PDE11A: variants seen among roughly 807,000 people sequenced by gnomAD.
PDE11A encodes phosphodiesterase 11A.
A neutral mutation model predicts 100.5 loss-of-function variants in PDE11A; 100 were observed. That is an observed-to-expected ratio of 1.00 (90% CI 0.85 to 1.18). The LOEUF is 1.18. Among genes scored for constraint, PDE11A ranks in the 50% most tolerant of loss-of-function variants. PDE11A has a pLI of 0.00. For missense variants in PDE11A, 1,141 were observed against 1,152.6 expected (o/e 0.99, Z 0.15); for synonymous variants, 381 against 420.8 (o/e 0.91, Z 1.16).
intron 2 of PDE11A, among the ~76,000 whole-genome samples, chr2:177,959,474 A>G (rs1456350421): frequency 2.6e-5 from 4 of 152,220 alleles, no homozygotes; most frequent in Non-Finnish European, 5.9e-5. Context: ...AGGAGGACCC[A>G]ATAGGAGGCT....
intron 19 of PDE11A, among the ~76,000 whole-genome samples, chr2:177,658,187 G>T (rs2080418746): frequency 6.6e-6 from 1 of 152,148 alleles, no homozygotes; most frequent in Non-Finnish European, 1.5e-5. Flanking sequence ...TCTCTTGAAG[G>T]TCACAAAATC....
At chr2:177,891,937 T>A (rs2084535593) in intron 4 of PDE11A, among the ~76,000 whole-genome samples, 1 of 152,224 alleles carries the variant, frequency 6.6e-6, no homozygotes, top group African/African-American at 2.4e-5. Flanking sequence ...TCTCACTGGT[T>A]AATACAGATA....
At chr2:177,925,153 A>G (rs2085109349) in intron 2 of PDE11A, among the ~76,000 whole-genome samples, 1 of 150,696 alleles carries the variant, frequency 6.6e-6, no homozygotes, top group East Asian at 1.9e-4. Flanking sequence ...GGTTGGTTCC[A>G]AGTCTTTGCT....
chr2:177,741,198 T>G (rs986417819), intron 10 of PDE11A, among the ~76,000 whole-genome samples: 4 of 152,204 alleles, frequency 2.6e-5, no homozygotes, highest in African/African-American at 9.7e-5. Flanking sequence ...AGCAAGGTAT[T>G]GGCAGGTTTG....
intron 2 of PDE11A, among the ~76,000 whole-genome samples, chr2:177,922,402 A>G (rs12693129): frequency 0.086 from 13,042 of 152,206 alleles, 522 homozygotes; most frequent in South Asian, 0.099. Context: ...AAACCTGCAC[A>G]TTGTGTACAG....
At position 177,947,731 on chromosome 2, in the gene PDE11A, C is replaced by T. The variant is rs548277384; in HGVS notation, c.1072-42544G>A. Among the ~76,000 whole-genome samples, 756 of 150,480 alleles carry T rather than the reference C, an allele frequency of 5.0e-3. 4 individuals are homozygous for T. Among genetic ancestry groups the T allele is most frequent in the Non-Finnish European group, 8.8e-3 (593 of 67,748 alleles). On this transcript the variant is annotated intron_variant, in intron 2 of 19. Transcript: ENST00000286063. ...TATTGTCCCATGACCCTGCCAAATC[C>T]CCCTCTGTGAGAAACACCCAAGAAT...
chr2:177,678,446 T>C (rs767175807), intron 16 of PDE11A, among the ~76,000 whole-genome samples: 20 of 152,212 alleles, frequency 1.3e-4, no homozygotes, highest in Admixed American at 1.2e-3. Flanking sequence ...ATTATTTTTA[T>C]CTTAACAGTA....
intron 4 of PDE11A, among the ~76,000 whole-genome samples, chr2:177,876,279 G>GATGAGGCACAAGCCTT (rs1231630039): frequency 6.6e-6 from 1 of 150,538 alleles, no homozygotes; most frequent in Non-Finnish European, 1.5e-5. Flanking sequence ...AAGAGACCCA[G>GATGAGGCACAAGCCTT]GTAGGGACAG....
intron 2 of PDE11A, among the ~76,000 whole-genome samples, chr2:177,912,728 G>A (rs965062904): frequency 2.6e-5 from 4 of 151,950 alleles, no homozygotes; most frequent in Non-Finnish European, 4.4e-5. Flanking sequence ...CCACTCAAGG[G>A]TAACCATTAT....
chr2:177,961,541 A>G (rs1473816566), intron 2 of PDE11A, among the ~76,000 whole-genome samples: 1 of 152,162 alleles, frequency 6.6e-6, no homozygotes, highest in Non-Finnish European at 1.5e-5. Context: ...ACTTTCTTGA[A>G]ACCAATTCCC....
chr2:178,054,090 G>C (rs145454156), intron 1 of PDE11A, among the ~76,000 whole-genome samples: 1 of 150,148 alleles, frequency 6.7e-6, no homozygotes, highest in South Asian at 2.1e-4. Flanking sequence ...TGGAGGCGTC[G>C]CGCTACTGTA....
intron 1 of PDE11A, among the ~76,000 whole-genome samples, chr2:178,031,677 A>T (rs1360081834): frequency 6.6e-6 from 1 of 152,206 alleles, no homozygotes; most frequent in Non-Finnish European, 1.5e-5. Context: ...ATTGGAAAAA[A>T]ATATATATCA....
chr2:177,652,076 G>A (rs542404835), intron 19 of PDE11A, among the ~76,000 whole-genome samples: 3 of 152,312 alleles, frequency 2.0e-5, no homozygotes, highest in African/African-American at 7.2e-5. Context: ...TCTTGCGCTT[G>A]CTTTGTTGCT....
intron 12 of PDE11A, among the ~76,000 whole-genome samples, chr2:177,720,675 GT>G (rs2081513598): frequency 6.6e-6 from 1 of 152,136 alleles, no homozygotes; most frequent in African/African-American, 2.4e-5. Context: ...CCAATTGCAG[GT>G]TGTCTAATTA....
At chr2:177,847,829 T>C (rs1465510714) in intron 5 of PDE11A, among the ~76,000 whole-genome samples, 2 of 152,138 alleles carry the variant, frequency 1.3e-5, no homozygotes, top group Non-Finnish European at 2.9e-5. Flanking sequence ...AACAGCTCCT[T>C]TTGCCTTTGC....
At chr2:177,692,686 C>T (rs373414392) in intron 15 of PDE11A, among the ~76,000 whole-genome samples, 11 of 152,248 alleles carry the variant, frequency 7.2e-5, no homozygotes, top group African/African-American at 2.6e-4. Flanking sequence ...AATCATTAAC[C>T]CCCAGGCTCA....
At chr2:177,656,363 C>A (rs2080383486) in intron 19 of PDE11A, among the ~76,000 whole-genome samples, 1 of 152,178 alleles carries the variant, frequency 6.6e-6, no homozygotes, top group Non-Finnish European at 1.5e-5. Flanking sequence ...TAGGCTATCC[C>A]ATATAGCCTA....
intron 4 of PDE11A, among the ~76,000 whole-genome samples, chr2:177,896,984 CAT>C (rs994496831): frequency 6.6e-6 from 1 of 152,038 alleles, no homozygotes; most frequent in African/African-American, 2.4e-5. Context: ...ACATTTTAGA[CAT>C]ATACAGATTT....
intron 5 of PDE11A, among the ~76,000 whole-genome samples, chr2:177,866,673 T>A (rs2084035205): frequency 6.6e-6 from 1 of 152,224 alleles, no homozygotes; most frequent in Admixed American, 6.5e-5. Flanking sequence ...TCTCTGGGAT[T>A]CCAGGGATAT....
Sources: allele counts gnomAD v4.1 joint callset (sites outside exome capture counted in the v4.1 genomes callset), GRCh38; gene constraint gnomAD v4.1.1; transcripts MANE v1.5; gene names NCBI Gene and HGNC (gene_info 2026-07-23, HGNC 2026-07-21).